The following MITD1 variants were observed in gnomAD, a reference collection of about 807,000 sequenced individuals.
The protein encoded by MITD1 is MIT domain-containing protein 1.
In MITD1, 24 loss-of-function variants were observed where a neutral mutation model predicts 34.9. The ratio of observed to expected loss-of-function variants is 0.69; its 90% CI spans 0.50 to 0.97. The LOEUF (loss-of-function observed/expected upper bound fraction) is 0.97. MITD1 is among the 50% of genes least tolerant of loss of function. The probability of loss-of-function intolerance (pLI) is 0.00; values close to 1 mark genes in which losing one functional copy is unlikely to be tolerated. For synonymous variants in MITD1, 102 were observed against 101.4 expected (o/e 1.01, Z -0.04); for missense variants, 266 against 294.6 (o/e 0.90, Z 0.71).
intron 1 of MITD1, among the ~76,000 whole-genome samples, chr2:99,174,607 T>C (rs1559180608): frequency 6.6e-6 from 1 of 152,218 alleles, no homozygotes; most frequent in Non-Finnish European, 1.5e-5. Flanking sequence ...TTTGTTTGTT[T>C]TGAGACGGAA....
chr2:99,176,172 G>A (rs1395862013), intron 1 of MITD1, among the ~76,000 whole-genome samples: 4 of 152,036 alleles, frequency 2.6e-5, no homozygotes, highest in Non-Finnish European at 4.4e-5. Flanking sequence ...GGCTAGTCTC[G>A]AACTCCTGGG....
intron 1 of MITD1, among the ~76,000 whole-genome samples, chr2:99,176,686 G>A (rs528481672): frequency 6.6e-4 from 96 of 146,392 alleles, no homozygotes; most frequent in South Asian, 3.7e-3. Flanking sequence ...GTGTGTGTGC[G>A]CGTGTGTGTG....
chr2:99,174,071 T>G lies in MITD1; in HGVS notation c.152-55A>C. 9 of 959,510 alleles carry G rather than the reference T, an allele frequency of 9.4e-6. No individual in the cohort carries two copies. The South Asian group carries it at 1.4e-4, about 15-fold the overall frequency. 59.4% of individuals were successfully genotyped at this position (959,510 alleles called of 1,614,324 possible). ...TATCAAAATAGTTTTTCTATTTAAT[T>G]TGGGCATTATTTTCAGTTTCTCAAG... On this transcript the variant is annotated intron_variant, in intron 1 of 6. Coordinates refer to ENST00000289359, the MANE Select transcript of MITD1 (RefSeq NM_138798.3).
chr2:99,166,898 A>ATATATATATATATATATATAT (rs1553516057), downstream of MITD1, among the ~76,000 whole-genome samples: 4 of 93,268 alleles, frequency 4.3e-5, no homozygotes, highest in South Asian at 3.3e-4. Context: ...TATATATATA[A>ATATATATATATATATATATAT]ATTTTTCATT....
At chr2:99,174,548 TTTTCC>T in intron 1 of MITD1, among the ~76,000 whole-genome samples, 1 of 152,276 alleles carries the variant, frequency 6.6e-6, no homozygotes, top group South Asian at 2.1e-4. Context: ...TCCTTCCCTT[TTTTCC>T]TTTCAACATC....
At chr2:99,162,916 C>T (rs777406101) in intron 7 of MITD1, 24 of 1,613,520 alleles carry the variant, frequency 1.5e-5, no homozygotes, top group Non-Finnish European at 2.0e-5. Flanking sequence ...CATTGGTTGC[C>T]ATTGGAAATA....
At chr2:99,170,762 A>G (rs1281341202) in intron 4 of MITD1, 110 bp from the exon 5 acceptor site, 2 of 531,100 alleles carry the variant, frequency 3.8e-6, no homozygotes, top group East Asian at 5.8e-5. Context: ...AATGTTCTAT[A>G]CTAGTTTCAA....
In MITD1 at chr2:99,170,643, G is replaced by T; in HGVS notation, c.487C>A (p.Gln163Lys). Residue 163 changes from glutamine to lysine, a missense_variant, in exon 5 of 7, where the codon CAA becomes AAA. By Grantham distance (53) the Gln-to-Lys change is moderately conservative. Coordinates refer to ENST00000289359, the MANE Select transcript of MITD1 (RefSeq NM_138798.3). ...LLTSLDEGIE[Q>K]VQQSRGLQEI... ...TGCAGGCCTCTACTTTGCTGCACTT[G>T]CTCAATGCCCTGTTAATAGCAAAAA... is the stretch of plus-strand genomic sequence containing the variant. The T allele has an allele frequency of 6.4e-7, 1 of 1,562,700 alleles. No homozygotes were observed. The highest frequency in any genetic ancestry group is 8.8e-7 in the Non-Finnish European group (1 of 1,135,150).
At position 99,169,472 on chromosome 2, in the gene MITD1, TAAGAA is replaced by T. The variant is rs755062358; in HGVS notation, c.655-7_655-3del. The T allele has an allele frequency of 2.7e-5, 44 of 1,608,514 alleles. 1 individual carries two copies. The South Asian group carries it at 3.2e-4, about 12-fold the overall frequency. ...ACAATATCCAAGGGAAAAACGACTC[TAAGAA>T]GAGAAGAAAAGAGTATCATTAAAAA... On this transcript the variant is annotated splice_region_variant and splice_polypyrimidine_tract_variant and intron_variant, in intron 6 of 6. Transcript: ENST00000289359.
At chr2:99,165,633 A>C (rs980346245), downstream of MITD1, among the ~76,000 whole-genome samples, 1 of 152,202 alleles carries the variant, frequency 6.6e-6, no homozygotes, top group Admixed American at 6.5e-5. Context: ...ATTTTAAACT[A>C]TTAAATATTC....
chr2:99,180,437 G>A (rs1294505504), intron 1 of MITD1, among the ~76,000 whole-genome samples: 1 of 151,992 alleles, frequency 6.6e-6, no homozygotes, highest in Non-Finnish European at 1.5e-5. Context: ...AAAAATTAAG[G>A]AAAGTTTTGG....
At chr2:99,166,493 A>AAAC (rs2093827453), downstream of MITD1, among the ~76,000 whole-genome samples, 2 of 151,374 alleles carry the variant, frequency 1.3e-5, no homozygotes, top group African/African-American at 4.8e-5. Context: ...TAAGAAAAAA[A>AAAC]AAAAAAAAAA....
chr2:99,165,061 C>CACACACATAT (rs370053233), downstream of MITD1, among the ~76,000 whole-genome samples: 1,957 of 135,070 alleles, frequency 0.014, 23 homozygotes, highest in Admixed American at 0.021. Context: ...CACACACACA[C>CACACACATAT]ATATATATAT....
At chr2:99,162,853 TCATAGA>T in intron 7 of MITD1, 2 of 1,613,310 alleles carry the variant, frequency 1.2e-6, no homozygotes, top group Non-Finnish European at 1.7e-6. Context: ...ATTAAAGTAT[TCATAGA>T]CATAAAGAAT....
downstream of MITD1, among the ~76,000 whole-genome samples, chr2:99,165,059 C>CATAT (rs1183142710): frequency 5.9e-4 from 69 of 116,378 alleles, no homozygotes; most frequent in Non-Finnish European, 9.7e-4. Flanking sequence ...CACACACACA[C>CATAT]ACATATATAT....
chr2:99,164,851 CAG>C (rs1226348517), downstream of MITD1, among the ~76,000 whole-genome samples: 1 of 141,298 alleles, frequency 7.1e-6, no homozygotes, highest in East Asian at 2.2e-4. Flanking sequence ...CATGTTTCTC[CAG>C]AGAGAGGATA....
chr2:99,163,179 CA>C (rs35419218), intron 7 of MITD1: 6,122 of 341,706 alleles, frequency 0.018, no homozygotes, highest in South Asian at 0.031. Flanking sequence ...TTAGTAACGT[CA>C]AAAAAAAAAA....
downstream of MITD1, among the ~76,000 whole-genome samples, chr2:99,166,099 C>G (rs1036228546): frequency 2.0e-5 from 3 of 151,952 alleles, no homozygotes; most frequent in Non-Finnish European, 4.4e-5. Flanking sequence ...ATAATAAACC[C>G]CTTTTTTGCT....
chr2:99,181,011 C>T lies in MITD1; in HGVS notation c.-30G>A, dbSNP rs369197570. ...CTGGAAGTTCTCCTCCGCCTCAACC[C>T]AGGATGAAGTTGAGCGGGTCTGCTG... On this transcript the variant is annotated 5_prime_UTR_variant, in exon 1 of 7. Transcript: ENST00000289359. The T allele has an allele frequency of 1.9e-5, 31 of 1,605,022 alleles. No homozygotes were observed. Among genetic ancestry groups the T allele is most frequent in the Non-Finnish European group, 2.6e-5 (30 of 1,175,208 alleles).
Sources: allele counts gnomAD v4.1 joint callset (sites outside exome capture counted in the v4.1 genomes callset), GRCh38; gene constraint gnomAD v4.1.1; transcripts MANE v1.5; gene names NCBI Gene and HGNC (gene_info 2026-07-23, HGNC 2026-07-21).